The following CNIH3 variants were observed in gnomAD, a reference collection of about 807,000 sequenced individuals.
CNIH3 encodes cornichon family AMPA receptor auxiliary protein 3, also known as protein cornichon homolog 3.
A neutral mutation model predicts 24.1 loss-of-function variants in CNIH3; 14 were observed. That is an observed-to-expected ratio of 0.58 (90% confidence interval 0.38 to 0.91). The LOEUF (loss-of-function observed/expected upper bound fraction) is 0.91, where lower values mean the gene tolerates loss of function less well. Among genes scored for constraint, CNIH3 ranks in the 40% least tolerant of loss-of-function variants. CNIH3 has a pLI of 0.00. For missense variants in CNIH3, 178 were observed against 196.8 expected (o/e 0.90, Z 0.57); for synonymous variants, 68 against 73.8 (o/e 0.92, Z 0.40).
chr1:224,691,490 AT>A (rs1686930130), intron 3 of CNIH3, among the ~76,000 whole-genome samples: 1 of 152,196 alleles, frequency 6.6e-6, no homozygotes, highest in African/African-American at 2.4e-5. Flanking sequence ...AAATTCTGTC[AT>A]TGACAAGACC....
At chr1:224,569,660 G>A (rs7526884) in intron 4 of CNIH3, among the ~76,000 whole-genome samples, 2 of 152,110 alleles carry the variant, frequency 1.3e-5, no homozygotes, top group South Asian at 2.1e-4. Flanking sequence ...GAGTGTTCTG[G>A]TTTTTCCATC....
intron 4 of CNIH3, among the ~76,000 whole-genome samples, chr1:224,568,246 C>T (rs1237636571): frequency 6.6e-6 from 1 of 152,030 alleles, no homozygotes; most frequent in African/African-American, 2.4e-5. Flanking sequence ...GCCGAGATCA[C>T]GTCACTGCAC....
chr1:224,452,519 C>A (rs530910548), intron 1 of CNIH3, among the ~76,000 whole-genome samples: 2 of 151,820 alleles, frequency 1.3e-5, no homozygotes, highest in African/African-American at 4.8e-5. Context: ...CGGTGGCTCA[C>A]ACCTGTAATC....
intron 3 of CNIH3, among the ~76,000 whole-genome samples, chr1:224,554,240 A>G (rs1056859560): frequency 2.6e-5 from 4 of 152,182 alleles, no homozygotes; most frequent in Non-Finnish European, 5.9e-5. Context: ...TTGAAGAAGC[A>G]TCTCCACCTT....
At chr1:224,508,826 T>C (rs1678021590) in intron 1 of CNIH3, among the ~76,000 whole-genome samples, 1 of 152,248 alleles carries the variant, frequency 6.6e-6, no homozygotes, top group African/African-American at 2.4e-5. Context: ...AATGAGACTT[T>C]GTTTATTAAA....
intron 3 of CNIH3, among the ~76,000 whole-genome samples, chr1:224,721,692 C>A (rs1230241095): frequency 6.6e-6 from 1 of 152,108 alleles, no homozygotes; most frequent in East Asian, 1.9e-4. Flanking sequence ...AGGTTTGGTC[C>A]TAAAAGGAAG....
intron 1 of CNIH3, among the ~76,000 whole-genome samples, chr1:224,489,700 T>C (rs1274185515): frequency 6.6e-6 from 1 of 152,150 alleles, no homozygotes; most frequent in African/African-American, 2.4e-5. Flanking sequence ...CTTAGTCCAT[T>C]TGGGCTGCTG....
At chr1:224,485,314 C>T (rs1230190463) in intron 1 of CNIH3, among the ~76,000 whole-genome samples, 1 of 152,204 alleles carries the variant, frequency 6.6e-6, no homozygotes, top group Non-Finnish European at 1.5e-5. Context: ...GCTTTCTCCT[C>T]CTAAAACACT....
At chr1:224,586,901 A>G (rs1400395918) in intron 5 of CNIH3, among the ~76,000 whole-genome samples, 1 of 152,148 alleles carries the variant, frequency 6.6e-6, no homozygotes, top group Non-Finnish European at 1.5e-5. Flanking sequence ...TAGACATTGG[A>G]AGAGTTGAGG....
At chr1:224,610,461 C>T (rs1352673600) in intron 3 of CNIH3, among the ~76,000 whole-genome samples, 1 of 152,066 alleles carries the variant, frequency 6.6e-6, no homozygotes, top group South Asian at 2.1e-4. Flanking sequence ...TTCCCTTTCA[C>T]TCTCTCTCTC....
intron 1 of CNIH3, among the ~76,000 whole-genome samples, chr1:224,469,826 A>T (rs1039820889): frequency 6.6e-6 from 1 of 152,176 alleles, no homozygotes; most frequent in Non-Finnish European, 1.5e-5. Context: ...GGTTAGATCA[A>T]TATTTCCATG....
In CNIH3 at chr1:224,616,849, GA is replaced by G; in HGVS notation, c.-325del. ...TCGCATCGCTTGTCGTGTTGGTCTCGAGGGGCTCACAGCTTGGCACTAATTT... is the reference window on the plus strand; with the variant it reads ...TCGCATCGCTTGTCGTGTTGGTCTCGGGGGCTCACAGCTTGGCACTAATTT... On this transcript the variant is annotated 5_prime_UTR_variant, in exon 1 of 6. The change creates a premature stop within an existing upstream ORF in the 5' untranslated region. Coordinates refer to ENST00000272133, the MANE Select transcript of CNIH3 (RefSeq NM_152495.2). 6.0e-6 allele frequency: 7 copies of G among 1,161,358 alleles called. No individual in the cohort carries two copies. Among genetic ancestry groups the G allele is most frequent in the South Asian group, 6.3e-5 (2 of 31,788 alleles). 71.9% of individuals were successfully genotyped at this position (1,161,358 alleles called of 1,614,324 possible).
chr1:224,515,802 T>A (rs1678356786), upstream of CNIH3: 4 of 152,194 alleles, frequency 2.6e-5, no homozygotes, highest in Admixed American at 2.0e-4. Flanking sequence ...GTCCACGTTG[T>A]GGGATGCCCA....
At chr1:224,647,528 T>C (rs1156502485) in intron 1 of CNIH3, among the ~76,000 whole-genome samples, 1 of 152,078 alleles carries the variant, frequency 6.6e-6, no homozygotes, top group Admixed American at 6.5e-5. Context: ...AGGGACTGGG[T>C]TCTGTGTGGC....
intron 3 of CNIH3, among the ~76,000 whole-genome samples, chr1:224,608,414 T>C (rs1682525539): frequency 6.6e-6 from 1 of 152,114 alleles, no homozygotes; most frequent in South Asian, 2.1e-4. Flanking sequence ...AAGTGAGCAA[T>C]TCCTGTCCCT....
chr1:224,655,439 G>A (rs980518717), intron 1 of CNIH3, among the ~76,000 whole-genome samples: 21 of 152,222 alleles, frequency 1.4e-4, no homozygotes, highest in East Asian at 5.8e-4. Flanking sequence ...GCTTTTGAGC[G>A]CAGTTAACTT....
intron 3 of CNIH3, among the ~76,000 whole-genome samples, chr1:224,565,205 C>T (rs897256646): frequency 6.6e-6 from 1 of 152,142 alleles, no homozygotes; most frequent in Non-Finnish European, 1.5e-5. Flanking sequence ...ATGTCTCTGT[C>T]TAATAGGTTT....
At chr1:224,715,529 T>G (rs146081520) in intron 3 of CNIH3, among the ~76,000 whole-genome samples, 2 of 152,230 alleles carry the variant, frequency 1.3e-5, no homozygotes, top group South Asian at 4.1e-4. Flanking sequence ...TTTGTGTTAC[T>G]ATCAAGGAAT....
intron 1 of CNIH3, among the ~76,000 whole-genome samples, chr1:224,462,127 G>A (rs1675940230): frequency 6.6e-6 from 1 of 152,006 alleles, no homozygotes; most frequent in Non-Finnish European, 1.5e-5. Context: ...CGCACCGTTG[G>A]TGTATTTGTT....
Sources: allele counts gnomAD v4.1 joint callset (sites outside exome capture counted in the v4.1 genomes callset), GRCh38; gene constraint gnomAD v4.1.1; transcripts MANE v1.5; gene names NCBI Gene and HGNC (gene_info 2026-07-23, HGNC 2026-07-21).